The following CAMTA1 variants were observed in gnomAD, a reference collection of about 807,000 sequenced individuals.
CAMTA1 encodes calmodulin binding transcription activator 1.
In CAMTA1, 27 loss-of-function variants were observed where a neutral mutation model predicts 170.9. The ratio of observed to expected loss-of-function variants is 0.16; its 90% CI spans 0.12 to 0.22. CAMTA1 has a LOEUF of 0.22. Ranked by LOEUF, CAMTA1 falls within the 10% of genes least tolerant of loss-of-function variation. The probability of loss-of-function intolerance (pLI) is 1.00; values close to 1 mark genes in which losing one functional copy is unlikely to be tolerated. For synonymous variants in CAMTA1, 833 were observed against 891.5 expected, an observed-to-expected ratio of 0.93 and a Z score of 1.17; for missense variants, 1,619 against 2,217.2, an observed-to-expected ratio of 0.73 and a Z score of 5.42.
chr1:7,526,321 C>T (rs2094431489), intron 6 of CAMTA1, among the ~76,000 whole-genome samples: 1 of 152,090 alleles, frequency 6.6e-6, no homozygotes, highest in Non-Finnish European at 1.5e-5. Flanking sequence ...CACCGCCCAC[C>T]ACTGCACCAA....
chr1:7,305,139 C>T (rs986278299), intron 5 of CAMTA1, among the ~76,000 whole-genome samples: 4 of 151,866 alleles, frequency 2.6e-5, no homozygotes, highest in Admixed American at 6.6e-5. Context: ...TAGGCATGTG[C>T]CTTCTCTGTT....
intron 11 of CAMTA1, chr1:7,694,871 A>C (rs2096358141): frequency 6.6e-6 from 1 of 152,142 alleles, no homozygotes; most frequent in Non-Finnish European, 1.5e-5. Context: ...GCAGACAGGG[A>C]TCTCTGAGCC....
intron 7 of CAMTA1, among the ~76,000 whole-genome samples, chr1:7,658,981 C>A (rs749904243): frequency 5.3e-5 from 8 of 152,182 alleles, no homozygotes; most frequent in African/African-American, 1.7e-4. Flanking sequence ...CTGAACATGG[C>A]GGCTTGGCAA....
chr1:7,096,995 G>C (rs755866792), intron 4 of CAMTA1, among the ~76,000 whole-genome samples: 8 of 152,134 alleles, frequency 5.3e-5, no homozygotes, highest in Non-Finnish European at 8.8e-5. Flanking sequence ...GCTGCTCTCT[G>C]AATATCTTTC....
At chr1:7,614,912 C>T (rs1254959056) in intron 6 of CAMTA1, among the ~76,000 whole-genome samples, 1 of 152,196 alleles carries the variant, frequency 6.6e-6, no homozygotes, top group Non-Finnish European at 1.5e-5. Flanking sequence ...GGGGAGGGTA[C>T]AGGGGTCTCC....
At position 7,677,737 on chromosome 1, in the gene CAMTA1, A is replaced by G; in HGVS notation, c.2914+4A>G. ...CACGACTGGCTGTCGTTGGACGGTA[A>G]GAACAGTGCTTGGGTCGTCTTGCCA... On this transcript the variant is annotated splice_donor_region_variant and intron_variant, in intron 11 of 22. Coordinates refer to ENST00000303635, the MANE Select transcript of CAMTA1 (RefSeq NM_015215.4). The G allele has an allele frequency of 6.2e-7, 1 of 1,613,362 alleles. No homozygotes were observed. Among genetic ancestry groups the G allele is most frequent in the Non-Finnish European group, 8.5e-7 (1 of 1,179,698 alleles).
At position 7,085,461 on chromosome 1, in the gene CAMTA1, C is replaced by T. The variant is rs4908598; in HGVS notation, c.235-5843C>T. Among the ~76,000 whole-genome samples the T allele has an allele frequency of 9.3e-4, 142 of 152,248 alleles. 1 individual carries two copies. Among genetic ancestry groups the T allele is most frequent in the African/African-American group, 3.2e-3 (135 of 41,544 alleles). ...ACAGTGACAGACGGACTGAGACACA[C>T]ACCCTCCCTGAAGACTGAAAAACCA... On this transcript the variant is annotated intron_variant, in intron 3 of 22. Coordinates refer to ENST00000303635, the MANE Select transcript of CAMTA1 (RefSeq NM_015215.4).
At chr1:7,418,493 C>T (rs1258759263) in intron 5 of CAMTA1, among the ~76,000 whole-genome samples, 1 of 152,206 alleles carries the variant, frequency 6.6e-6, no homozygotes, top group East Asian at 1.9e-4. Context: ...GCCACCGTGC[C>T]TGGCTTCTCA....
At chr1:7,549,069 A>G (rs1232688656) in intron 6 of CAMTA1, among the ~76,000 whole-genome samples, 1 of 122,324 alleles carries the variant, frequency 8.2e-6, no homozygotes, top group African/African-American at 3.1e-5. Flanking sequence ...GGAGGTGCCC[A>G]TGGAGGGTGC....
At chr1:7,208,552 A>T (rs1210584593) in intron 4 of CAMTA1, among the ~76,000 whole-genome samples, 1 of 152,140 alleles carries the variant, frequency 6.6e-6, no homozygotes, top group Non-Finnish European at 1.5e-5. Flanking sequence ...TGAAGGTGTA[A>T]ATCAAGCCAG....
In CAMTA1 at chr1:7,685,405, G is replaced by C. The variant is rs1177429219; in HGVS notation, c.2914+7672G>C. Among the ~76,000 whole-genome samples, 1 of 152,162 alleles carries C rather than the reference G, an allele frequency of 6.6e-6. No individual in the cohort carries two copies. Among genetic ancestry groups the C allele is most frequent in the Non-Finnish European group, 1.5e-5 (1 of 68,014 alleles). On this transcript the variant is annotated intron_variant, in intron 11 of 22. Transcript: ENST00000303635. This position sits in a 1 kb window ranked among gnomAD's most constrained non-coding sequence, Gnocchi z 5.7. ...CCACCTGCCATGAACACACTGACCA[G>C]CTTGGCTCCTGCCGAGACCACAGCA...
At chr1:6,805,170 A>G (rs1470636642) in intron 1 of CAMTA1, among the ~76,000 whole-genome samples, 1 of 152,238 alleles carries the variant, frequency 6.6e-6, no homozygotes, top group South Asian at 2.1e-4. Context: ...TAATTTCTCC[A>G]CATTCTTGCA....
intron 3 of CAMTA1, among the ~76,000 whole-genome samples, chr1:6,931,664 A>G (rs1446139714): frequency 6.6e-6 from 1 of 152,194 alleles, no homozygotes; most frequent in East Asian, 1.9e-4. Flanking sequence ...TTAAGCATTC[A>G]TGGGATTTGC....
intron 3 of CAMTA1, among the ~76,000 whole-genome samples, chr1:6,993,638 CTGTT>C (rs1557940832): frequency 6.8e-6 from 1 of 146,022 alleles, no homozygotes; most frequent in East Asian, 1.9e-4. Flanking sequence ...TTCTGGTAAA[CTGTT>C]TGTCTTGAAG....
chr1:7,648,404 AAGAG>A (rs1473101631), intron 7 of CAMTA1, among the ~76,000 whole-genome samples: 2 of 151,636 alleles, frequency 1.3e-5, no homozygotes, highest in African/African-American at 2.4e-5. Flanking sequence ...AAAAAAAAAA[AAGAG>A]AGAGAGAAGG....
intron 4 of CAMTA1, chr1:7,142,121 G>A (rs758639971): frequency 7.7e-6 from 4 of 518,640 alleles, no homozygotes; most frequent in East Asian, 5.4e-5. Flanking sequence ...TGGGGTGAGT[G>A]CCCAGATGTT....
chr1:7,125,573 C>A (rs74051134), intron 4 of CAMTA1, among the ~76,000 whole-genome samples: 2,414 of 152,200 alleles, frequency 0.016, 66 homozygotes, highest in African/African-American at 0.052. Flanking sequence ...GCAGAGGCCC[C>A]AAGGAGGAGT....
intron 4 of CAMTA1, among the ~76,000 whole-genome samples, chr1:7,205,170 TG>T (rs1657498287): frequency 6.6e-6 from 1 of 150,908 alleles, no homozygotes; most frequent in African/African-American, 2.4e-5. Context: ...TGCAATGTTG[TG>T]CTCTCCGCTC....
At chr1:7,413,350 A>G (rs1242376860) in intron 5 of CAMTA1, among the ~76,000 whole-genome samples, 2 of 152,090 alleles carry the variant, frequency 1.3e-5, no homozygotes, top group East Asian at 3.8e-4. Flanking sequence ...CTTGGGCAGT[A>G]TGGCCATTTT....
Sources: allele counts gnomAD v4.1 joint callset (sites outside exome capture counted in the v4.1 genomes callset), GRCh38; gene constraint gnomAD v4.1.1; non-coding constraint Gnocchi (gnomAD v3.1); transcripts MANE v1.5; gene names NCBI Gene and HGNC (gene_info 2026-07-23, HGNC 2026-07-21).